RPAP1: variants seen among roughly 807,000 people sequenced by gnomAD.
RPAP1 encodes the protein RNA polymerase II associated protein 1, also known as RNA polymerase II-associated protein 1.
Under a neutral mutation model 142.4 loss-of-function variants are expected in RPAP1, and 109 were observed. The observed-to-expected ratio is 0.77, with a 90% CI of 0.66 to 0.90. The LOEUF (loss-of-function observed/expected upper bound fraction) is 0.90, where lower values mean the gene tolerates loss of function less well. Among genes scored for constraint, RPAP1 ranks in the 40% least tolerant of loss-of-function variants. RPAP1 has a pLI of 0.00. For missense variants in RPAP1, 1,546 were observed against 1,751.7 expected, an observed-to-expected ratio of 0.88 and a Z score of 2.10; for synonymous variants, 704 against 738.9, an observed-to-expected ratio of 0.95 and a Z score of 0.77.
At chr15:41,539,131 CAG>C (rs1163481909) in intron 1 of RPAP1, among the ~76,000 whole-genome samples, 3 of 152,146 alleles carry the variant, frequency 2.0e-5, no homozygotes, top group African/African-American at 7.2e-5. Flanking sequence ...TTTATTGTGA[CAG>C]AGTCTGGCTC....
rs772103371 is a variant in RPAP1 at position 41,528,307 on chromosome 15, G to C, written c.1188C>G (p.Phe396Leu). ...ERAGYSLQELFHLTRSQVSQQ... is the reference protein window; with the variant it reads ...ERAGYSLQELLHLTRSQVSQQ... ...GGGAAACCTGGCTGCGGGTCAGGTG[G>C]AACAGCTCCTGTAGGGAATACCCCG... Residue 396 changes from phenylalanine (F) to leucine (L), a missense_variant, in exon 10 of 25, where the codon TTC (phenylalanine) becomes TTG (leucine). By Grantham distance (22) the Phe-to-Leu change is conservative. Coordinates refer to ENST00000304330, the MANE Select transcript of RPAP1 (RefSeq NM_015540.4). 1.6e-5 allele frequency: 26 copies of C among 1,602,578 alleles called. No homozygotes were observed. Among genetic ancestry groups the C allele is most frequent in the East Asian group, 4.5e-5 (2 of 44,662 alleles).
At position 41,520,373 on chromosome 15, in the gene RPAP1, G is replaced by A. The variant is rs201719581; in HGVS notation, c.3795+18C>T. ...AGTGCAGGGTACCCTTGCAGGTCCTGCTGGGCTGAGAAAGTACCTGGGTCA... is the reference window on the plus strand; with the variant it reads ...AGTGCAGGGTACCCTTGCAGGTCCTACTGGGCTGAGAAAGTACCTGGGTCA... On this transcript the variant is annotated intron_variant, in intron 22 of 24. Transcript: ENST00000304330. 3.7e-6 allele frequency: 6 copies of A among 1,612,928 alleles called. No homozygotes were observed. The East Asian group carries it at 1.1e-4, about 30-fold the overall frequency.
chr15:41,519,198 A>G (rs896466709), intron 22 of RPAP1, among the ~76,000 whole-genome samples: 1 of 151,078 alleles, frequency 6.6e-6, no homozygotes, highest in Non-Finnish European at 1.5e-5. Flanking sequence ...GCCATAACAC[A>G]GTAACTCTTT....
rs2051734422 is a variant in RPAP1, at chr15:41,522,261, G to A, written c.2743-11C>T. On this transcript the variant is annotated splice_polypyrimidine_tract_variant and intron_variant, in intron 19 of 24. Coordinates refer to ENST00000304330, the MANE Select transcript of RPAP1 (RefSeq NM_015540.4). ...CAATATGGCAGCCAGCTGAGGAAAA[G>A]CAATTTTGTTCAGATCTAGAAATTG... 6.2e-7 allele frequency: 1 copy of A among 1,612,548 alleles called. No individual in the cohort carries two copies.
At chr15:41,517,716 G>T (rs2051679593) in intron 24 of RPAP1, 25 bp from the exon 25 acceptor site, 1 of 1,613,202 alleles carries the variant, frequency 6.2e-7, no homozygotes, top group African/African-American at 1.3e-5. Context: ...GAAAACTTAT[G>T]AAGTGGGTAA....
chr15:41,528,069 T>C (rs1317399411), intron 10 of RPAP1, 42 bp from the exon 11 acceptor site: 2 of 1,605,722 alleles, frequency 1.2e-6, no homozygotes, highest in African/African-American at 1.3e-5. Flanking sequence ...ATGCTGAAGT[T>C]ATCTAGAGGC....
At chr15:41,538,743 T>C (rs1425215860) in intron 1 of RPAP1, among the ~76,000 whole-genome samples, 1 of 152,166 alleles carries the variant, frequency 6.6e-6, no homozygotes, top group African/African-American at 2.4e-5. Flanking sequence ...TACGTAACCA[T>C]GGCACAAAGG....
chr15:41,529,603 G>A, intron 8 of RPAP1, 35 bp from the exon 9 acceptor site: 1 of 1,500,922 alleles, frequency 6.7e-7, no homozygotes, highest in Non-Finnish European at 9.2e-7. Context: ...TGGTCTGGGG[G>A]CTCCAGCAAC....
At chr15:41,532,615 G>A (rs1456562409) in intron 6 of RPAP1, among the ~76,000 whole-genome samples, 3 of 152,072 alleles carry the variant, frequency 2.0e-5, no homozygotes, top group African/African-American at 7.2e-5. Flanking sequence ...CTAGAGTATA[G>A]CTATAATAAA....
chr15:41,517,865 C>A lies in RPAP1; in HGVS notation c.3973-8G>T, dbSNP rs2051681351. On this transcript the variant is annotated splice_region_variant and splice_polypyrimidine_tract_variant and intron_variant, in intron 23 of 24. Transcript: ENST00000304330. ...GGCAGCTTTGACCTCATCCTAGAAG[C>A]AGAACAGGGAGAGGTGGCACTGAGC... 1.2e-6 allele frequency: 2 copies of A among 1,614,156 alleles called. No individual in the cohort carries two copies.
rs1370520031 is a variant in RPAP1 at position 41,521,803 on chromosome 15, C to G, written c.2973G>C (p.Leu991=). Residue 991 remains leucine (L), a synonymous_variant, in exon 21 of 25, where the codon CTG becomes CTC. Coordinates refer to ENST00000304330, the MANE Select transcript of RPAP1 (RefSeq NM_015540.4). ...CATGGGTGAGGTACTCACTTCCGGG[C>G]AGCAGCCGGCTCAGCAGGGCCAAGG... The part of the protein sequence containing the change: ...GMALALLSRL[L]PGSEYLTHEL... 6.2e-7 allele frequency: 1 copy of G among 1,614,174 alleles called. No homozygotes were observed. The highest frequency in any genetic ancestry group is 1.7e-5 in the Admixed American group (1 of 60,018).
At chr15:41,531,272 C>T (rs751801845) in intron 6 of RPAP1, 70 bp from the exon 7 acceptor site, 852 of 1,425,704 alleles carry the variant, frequency 6.0e-4, no homozygotes, top group Non-Finnish European at 7.5e-4. Context: ...ACCTGGAACC[C>T]GCTGAATATC....
chr15:41,520,538 A>T lies in RPAP1; in HGVS notation c.3648T>A (p.Asp1216Glu). 6.2e-7 allele frequency: 1 copy of T among 1,614,164 alleles called. No homozygotes were observed. Among genetic ancestry groups the T allele is most frequent in the South Asian group, 1.1e-5 (1 of 91,084 alleles). The change falls in exon 22 of 25, where the codon GAT becomes GAA. Residue 1216 changes from aspartate (D) to glutamate (E), a missense_variant. Transcript: ENST00000304330. ...SFPDLYANFL[D>E]HFEAVSFGDH... ...CCCCAAAAGAGACAGCCTCAAAATGATCCAGGAAGTTGGCATAGAGGTCAG... is the reference window on the plus strand; with the variant it reads ...CCCCAAAAGAGACAGCCTCAAAATGTTCCAGGAAGTTGGCATAGAGGTCAG...
At chr15:41,517,752 C>T (rs1429709199) in intron 24 of RPAP1, 46 bp downstream of exon 24, 1 of 1,614,078 alleles carries the variant, frequency 6.2e-7, no homozygotes, top group East Asian at 2.2e-5. Flanking sequence ...GTCTCTGTCC[C>T]CCAAGATCCT....
At chr15:41,521,599 A>G (rs2051726614) in intron 21 of RPAP1, 139 bp downstream of exon 21, 1 of 932,474 alleles carries the variant, frequency 1.1e-6, no homozygotes, top group Non-Finnish European at 1.6e-6. Context: ...TAATGAGGTA[A>G]TGGAAGCTCG....
At chr15:41,529,349 A>C (rs1471427223) in intron 9 of RPAP1, 121 bp downstream of exon 9, 1 of 664,712 alleles carries the variant, frequency 1.5e-6, no homozygotes, top group African/African-American at 1.8e-5. Context: ...AAGAAACTGA[A>C]TGCACAGCAA....
chr15:41,527,124 C>G (rs2297380), intron 13 of RPAP1, 43 bp downstream of exon 13: 1 of 1,612,960 alleles, frequency 6.2e-7, no homozygotes, highest in East Asian at 2.2e-5. Context: ...AAGACAAGGC[C>G]CAGCTAGGCT....
rs2051921539 is a variant in RPAP1 at position 41,537,223 on chromosome 15, G to A, written c.-76-22C>T. 4 of 1,209,076 alleles carry A rather than the reference G, an allele frequency of 3.3e-6. No homozygotes were observed. The East Asian group carries it at 1.0e-4, about 31-fold the overall frequency. The allele number at this position is 1,209,076 out of a possible 1,614,324, so 74.9% of individuals were successfully genotyped here. A position where few individuals can be genotyped will look rare whatever the true frequency, so the allele number is the denominator to read the frequency against. ...ATCCCTAAGAGCAAGAAAGAATATG[G>A]GCCCTCTGCAACTGAACCCTGATTC... On this transcript the variant is annotated intron_variant, in intron 1 of 24. Coordinates refer to ENST00000304330, the MANE Select transcript of RPAP1 (RefSeq NM_015540.4).
In RPAP1 at chr15:41,517,838, C is replaced by T. The variant is rs147536655; in HGVS notation, c.3992G>A (p.Arg1331His). Reference sequence around the variant, plus strand: ...CCATGTTTTCTGCAGCATACTCCTGCGGGCAGCTTTGACCTCATCCTAGAA... The same window carrying T: ...CCATGTTTTCTGCAGCATACTCCTGTGGGCAGCTTTGACCTCATCCTAGAA... ...PQSSDEVKAA[R>H]RSMLQKTWLL... The change falls in exon 24 of 25, where the codon CGC (arginine) becomes CAC (histidine). Residue 1331 changes from arginine to histidine, a missense_variant. By Grantham distance (29) the Arg-to-His change is conservative (BLOSUM62 0). Coordinates refer to ENST00000304330, the MANE Select transcript of RPAP1 (RefSeq NM_015540.4). The T allele has an allele frequency of 3.5e-5, 57 of 1,614,040 alleles. No individual in the cohort carries two copies. Among genetic ancestry groups the T allele is most frequent in the African/African-American group, 2.5e-4 (19 of 74,920 alleles).
Sources: gnomAD v4.1 joint callset for allele counts (sites outside exome capture counted in the v4.1 genomes callset) on GRCh38, gnomAD v4.1.1 for gene constraint, MANE v1.5 for transcripts, NCBI Gene and HGNC (gene_info 2026-07-23, HGNC 2026-07-21) for gene names.